Variants in PARD3B observed in about 807,000 individuals in gnomAD.
PARD3B encodes par-3 family cell polarity regulator beta, also known as partitioning defective 3 homolog B.
A neutral mutation model predicts 130.2 loss-of-function variants in PARD3B; 103 were observed. That is an observed-to-expected ratio of 0.79 (90% confidence interval 0.67 to 0.93). The LOEUF (loss-of-function observed/expected upper bound fraction) is 0.93, where lower values mean the gene tolerates loss of function less well. PARD3B is among the 40% of genes least tolerant of loss of function. The pLI, the probability that PARD3B is intolerant of heterozygous loss-of-function variation, is 0.00. For synonymous variants in PARD3B, 583 were observed against 553.2 expected (o/e 1.05, Z -0.76); for missense variants, 1,609 against 1,499.2 (o/e 1.07, Z -1.21).
At chr2:204,938,076 T>C (rs920351114) in intron 2 of PARD3B, among the ~76,000 whole-genome samples, 1 of 152,210 alleles carries the variant, frequency 6.6e-6, no homozygotes, top group Non-Finnish European at 1.5e-5. Flanking sequence ...CAGAGGGAGA[T>C]GAAAACCATG....
At chr2:204,631,211 C>G (rs2034666983) in intron 1 of PARD3B, among the ~76,000 whole-genome samples, 1 of 151,604 alleles carries the variant, frequency 6.6e-6, no homozygotes, top group Non-Finnish European at 1.5e-5. Context: ...TTATATACCC[C>G]AAAGTCATTG....
intron 21 of PARD3B, among the ~76,000 whole-genome samples, chr2:205,524,060 A>C (rs1469848134): frequency 6.6e-6 from 1 of 152,038 alleles, no homozygotes; most frequent in Non-Finnish European, 1.5e-5. Context: ...ATGAAGGAGA[A>C]ATCTGAGGCT....
chr2:205,051,436 C>A (rs911362930), intron 4 of PARD3B, among the ~76,000 whole-genome samples: 1 of 152,110 alleles, frequency 6.6e-6, no homozygotes, highest in East Asian at 1.9e-4. Flanking sequence ...ATGGCAGAGC[C>A]CCAGGTGGGT....
At chr2:205,579,871 T>A (rs1429534449) in intron 22 of PARD3B, among the ~76,000 whole-genome samples, 1 of 152,248 alleles carries the variant, frequency 6.6e-6, no homozygotes, top group African/African-American at 2.4e-5. Context: ...TTGACACGTA[T>A]TGCCTTATAT....
chr2:205,076,209 C>T (rs868741261), intron 4 of PARD3B, among the ~76,000 whole-genome samples: 1 of 152,130 alleles, frequency 6.6e-6, no homozygotes, highest in Non-Finnish European at 1.5e-5. Context: ...CTGGGTAATT[C>T]TTATATAACT....
At chr2:205,578,785 T>A (rs2106564084) in intron 22 of PARD3B, among the ~76,000 whole-genome samples, 1 of 152,306 alleles carries the variant, frequency 6.6e-6, no homozygotes, top group South Asian at 2.1e-4. Context: ...CACTGACACA[T>A]CACGTCAAAT....
Position 205,550,939 on chromosome 2 carries a change from GTGTATATATATA to G in PARD3B, c.3181-2381_3181-2370del, listed in dbSNP as rs1479365158. On this transcript the variant is annotated intron_variant, in intron 21 of 22. Coordinates refer to ENST00000406610, the MANE Select transcript of PARD3B (RefSeq NM_001302769.2). This position sits in a 1 kb window ranked among gnomAD's most constrained non-coding sequence, Gnocchi z 4.5. ...CATATAATTATGTGTGTGTGTGTGT[GTGTATATATATA>G]TGTGTATATATATATATATATATAT... 3.9e-4 allele frequency among the ~76,000 whole-genome samples: 22 copies of G among 56,052 alleles called. No individual in the cohort carries two copies. In the South Asian group the frequency reaches 0.012, roughly 30 times the overall value. 36.8% of individuals were successfully genotyped at this position (56,052 alleles called of 152,430 possible). A position where few individuals can be genotyped will look rare whatever the true frequency, so the allele number is the denominator to read the frequency against.
At chr2:205,055,108 A>G (rs1378937919) in intron 4 of PARD3B, among the ~76,000 whole-genome samples, 1 of 152,208 alleles carries the variant, frequency 6.6e-6, no homozygotes, top group Non-Finnish European at 1.5e-5. Flanking sequence ...GGCACTTAAG[A>G]CGTTATCACA....
At chr2:204,846,191 G>T (rs1559193520) in intron 2 of PARD3B, among the ~76,000 whole-genome samples, 1 of 152,082 alleles carries the variant, frequency 6.6e-6, no homozygotes, top group Non-Finnish European at 1.5e-5. Flanking sequence ...AAAAGAAAAT[G>T]CTTTCTTAAG....
At chr2:205,207,205 C>T (rs1219002859) in intron 15 of PARD3B, among the ~76,000 whole-genome samples, 2 of 136,924 alleles carry the variant, frequency 1.5e-5, no homozygotes, top group Non-Finnish European at 1.6e-5. Context: ...ATCTCTGGGA[C>T]GCATTCAAAG....
chr2:204,839,622 A>T (rs1441682048), intron 2 of PARD3B, among the ~76,000 whole-genome samples: 3 of 151,824 alleles, frequency 2.0e-5, no homozygotes, highest in African/African-American at 7.3e-5. Context: ...TCCACATCCC[A>T]CTGTTCCCTG....
At chr2:205,295,973 A>T (rs1193501322) in intron 16 of PARD3B, among the ~76,000 whole-genome samples, 1 of 152,204 alleles carries the variant, frequency 6.6e-6, no homozygotes, top group Admixed American at 6.5e-5. Context: ...TTGAATAAAA[A>T]GGGAAAGCAT....
chr2:205,300,774 CATT>C lies in PARD3B; in HGVS notation c.2392+44_2392+46del, dbSNP rs1363107076. ...GCTTCCTTAAATGGCTTCTTCATCT[CATT>C]ATTATCTGCAAATCATGGGCAAGAA... On this transcript the variant is annotated intron_variant, in intron 17 of 22. Transcript: ENST00000406610. This position sits in a 1 kb window ranked among gnomAD's most constrained non-coding sequence, Gnocchi z 4.1. 2 of 1,568,426 alleles carry C rather than the reference CATT, an allele frequency of 1.3e-6. No individual in the cohort carries two copies. Among genetic ancestry groups the C allele is most frequent in the Non-Finnish European group, 1.7e-6 (2 of 1,144,330 alleles).
intron 6 of PARD3B, among the ~76,000 whole-genome samples, 168 bp downstream of exon 6, chr2:205,113,745 A>C (rs547456919): frequency 5.9e-4 from 89 of 152,114 alleles, no homozygotes; most frequent in Non-Finnish European, 1.1e-3. Context: ...AAAATAAAAT[A>C]ATTGACTTTA....
At chr2:204,674,954 T>G (rs1219274909) in intron 1 of PARD3B, among the ~76,000 whole-genome samples, 1 of 152,230 alleles carries the variant, frequency 6.6e-6, no homozygotes. Flanking sequence ...ATTCATTTTG[T>G]AGCAGAATGT....
chr2:204,691,438 G>A (rs1021763722), intron 2 of PARD3B, among the ~76,000 whole-genome samples: 1 of 152,062 alleles, frequency 6.6e-6, no homozygotes, highest in Non-Finnish European at 1.5e-5. Flanking sequence ...GGGCTTCCAA[G>A]TGAATTGCCC....
At chr2:205,172,458 G>T in intron 12 of PARD3B, 77 bp downstream of exon 12, 2 of 1,420,464 alleles carry the variant, frequency 1.4e-6, no homozygotes, top group Non-Finnish European at 1.9e-6. Context: ...TCCTAGTATG[G>T]CAGCTAGATT....
intron 5 of PARD3B, among the ~76,000 whole-genome samples, chr2:205,112,408 AT>A (rs1458519203): frequency 3.3e-5 from 5 of 152,132 alleles, no homozygotes; most frequent in Non-Finnish European, 7.4e-5. Context: ...TTCATCATGC[AT>A]TTTGCTTAAT....
At chr2:204,584,376 A>C (rs2032726563) in intron 1 of PARD3B, among the ~76,000 whole-genome samples, 2 of 152,202 alleles carry the variant, frequency 1.3e-5, no homozygotes, top group Admixed American at 6.5e-5. Flanking sequence ...ATATAAGTAA[A>C]GAGTATAATT....
Sources: gnomAD v4.1 joint callset for allele counts (sites outside exome capture counted in the v4.1 genomes callset) on GRCh38, gnomAD v4.1.1 for gene constraint, Gnocchi (gnomAD v3.1) non-coding constraint, MANE v1.5 for transcripts, NCBI Gene and HGNC (gene_info 2026-07-23, HGNC 2026-07-21) for gene names.